Variants in HIVEP3 observed in about 807,000 individuals in gnomAD.
The protein encoded by HIVEP3 is transcription factor HIVEP3.
In HIVEP3, 49 loss-of-function variants were observed where a neutral mutation model predicts 152.8. The ratio of observed to expected loss-of-function variants is 0.32; its 90% confidence interval spans 0.26 to 0.41. The LOEUF (loss-of-function observed/expected upper bound fraction) is 0.41, where lower values mean the gene tolerates loss of function less well. Ranked by LOEUF, HIVEP3 falls within the 10% of genes least tolerant of loss-of-function variation. The pLI, the probability that HIVEP3 is intolerant of heterozygous loss-of-function variation, is 1.00. For synonymous variants in HIVEP3, 1,269 were observed against 1,289.0 expected (o/e 0.98, Z 0.33); for missense variants, 2,790 against 3,103.3 (o/e 0.90, Z 2.40).
intron 2 of HIVEP3, among the ~76,000 whole-genome samples, chr1:41,681,070 T>C (rs1646030889): frequency 6.6e-6 from 1 of 151,162 alleles, no homozygotes; most frequent in South Asian, 2.1e-4. Context: ...CTCTTATCAT[T>C]CCCCAGAAGC....
rs1643670870 is a variant in HIVEP3 at position 41,544,877 on chromosome 1, TACCACCTCTACCACCACCATCACC to T, written c.5208-19991_5208-19968del. ...CCACCACCACCACCACCACCACCAC[TACCACCTCTACCACCACCATCACC>T]ACCACCACTACCACCTCTACCACCA... On this transcript the variant is annotated intron_variant, in intron 5 of 8. Coordinates refer to ENST00000372583, the MANE Select transcript of HIVEP3 (RefSeq NM_024503.5). 9.0e-3 allele frequency among the ~76,000 whole-genome samples: 36 copies of T among 4,016 alleles called. 5 individuals carry two copies. The highest frequency in any genetic ancestry group is 0.011 in the Non-Finnish European group (26 of 2,340). 2.6% of individuals were successfully genotyped at this position (4,016 alleles called of 152,430 possible).
chr1:41,702,842 C>A (rs1377268125), intron 1 of HIVEP3, among the ~76,000 whole-genome samples: 1 of 152,194 alleles, frequency 6.6e-6, no homozygotes, highest in Non-Finnish European at 1.5e-5. Context: ...GGTAAAGAGC[C>A]TTGTCAGGAC....
chr1:42,000,200 C>T (rs1390497909), intron 1 of HIVEP3, among the ~76,000 whole-genome samples: 3 of 152,218 alleles, frequency 2.0e-5, no homozygotes, highest in Non-Finnish European at 4.4e-5. Context: ...ACCATAGATA[C>T]TCTTTCCATA....
intron 1 of HIVEP3, among the ~76,000 whole-genome samples, chr1:41,908,384 T>A (rs190900494): frequency 2.0e-5 from 3 of 152,202 alleles, no homozygotes; most frequent in African/African-American, 7.2e-5. Flanking sequence ...AAGACTCTTA[T>A]TGGCAGGTTT....
intron 1 of HIVEP3, among the ~76,000 whole-genome samples, chr1:41,748,825 G>T (rs1250330987): frequency 6.6e-6 from 1 of 152,152 alleles, no homozygotes; most frequent in Non-Finnish European, 1.5e-5. Context: ...CTTCTTATTT[G>T]GCCTCTTTGA....
chr1:41,728,241 A>G (rs1057490582), intron 1 of HIVEP3, among the ~76,000 whole-genome samples: 1 of 152,174 alleles, frequency 6.6e-6, no homozygotes, highest in African/African-American at 2.4e-5. Flanking sequence ...TTCTTCACCC[A>G]TAAAGCTAGA....
At chr1:41,818,304 C>T (rs150632198) in intron 1 of HIVEP3, among the ~76,000 whole-genome samples, 4 of 152,206 alleles carry the variant, frequency 2.6e-5, no homozygotes, top group African/African-American at 7.2e-5. Context: ...TTAATAATGC[C>T]TGTGTTGGTG....
At chr1:41,702,637 A>C (rs1187153804) in intron 1 of HIVEP3, among the ~76,000 whole-genome samples, 1 of 152,234 alleles carries the variant, frequency 6.6e-6, no homozygotes, top group Non-Finnish European at 1.5e-5. Context: ...TATTATTATT[A>C]ACATTAGTAT....
chr1:41,678,784 T>A (rs1447061441), intron 2 of HIVEP3, among the ~76,000 whole-genome samples: 1 of 152,182 alleles, frequency 6.6e-6, no homozygotes, highest in East Asian at 1.9e-4. Flanking sequence ...CCTGCTCAGA[T>A]GATGACAGCT....
At chr1:41,590,829 C>T (rs1570035747) in intron 3 of HIVEP3, among the ~76,000 whole-genome samples, 1 of 152,140 alleles carries the variant, frequency 6.6e-6, no homozygotes, top group South Asian at 2.1e-4. Context: ...AGCCACTAAA[C>T]CCATGCATGC....
intron 1 of HIVEP3, among the ~76,000 whole-genome samples, chr1:41,854,476 G>A (rs1643697374): frequency 6.6e-6 from 1 of 150,944 alleles, no homozygotes; most frequent in East Asian, 1.9e-4. Context: ...CCTGTGTCTG[G>A]AGCACTGCTC....
chr1:41,898,239 A>G (rs1204543813), intron 1 of HIVEP3, among the ~76,000 whole-genome samples: 1 of 152,262 alleles, frequency 6.6e-6, no homozygotes, highest in Admixed American at 6.5e-5. Context: ...TTAATCCAAC[A>G]TAAGAAAAAC....
chr1:41,686,543 G>A (rs996498220), intron 2 of HIVEP3, among the ~76,000 whole-genome samples: 5 of 152,160 alleles, frequency 3.3e-5, no homozygotes, highest in Admixed American at 3.3e-4. Flanking sequence ...TTACATGCCT[G>A]ACCACTTCCA....
chr1:42,003,786 C>G (rs1366887475), intron 1 of HIVEP3, among the ~76,000 whole-genome samples: 1 of 104,222 alleles, frequency 9.6e-6, no homozygotes. Flanking sequence ...CTTTTTAGGG[C>G]AAAAAAAAAA....
In HIVEP3 at chr1:41,506,369, T is replaced by C. The variant is rs1237198737; in HGVS notation, c.*4082A>G. On this transcript the variant is annotated 3_prime_UTR_variant, in exon 9 of 9. Transcript: ENST00000372583. ...CATGAGCCAGGCAAGCAGGGCTATG[T>C]TGGGATTTTCAAATTTATTCCAACA... The C allele has an allele frequency of 6.6e-6, 1 of 152,178 alleles. No homozygotes were observed. Among genetic ancestry groups the C allele is most frequent in the Non-Finnish European group, 1.5e-5 (1 of 68,036 alleles). 9.4% of individuals were successfully genotyped at this position (152,178 alleles called of 1,614,324 possible). A position where few individuals can be genotyped will look rare whatever the true frequency, so the allele number is the denominator to read the frequency against.
chr1:41,623,397 C>T (rs1645072833), intron 3 of HIVEP3, among the ~76,000 whole-genome samples: 1 of 152,332 alleles, frequency 6.6e-6, no homozygotes, highest in African/African-American at 2.4e-5. Flanking sequence ...TTAGCACACA[C>T]TTGCTATTTT....
chr1:41,734,877 G>T (rs1031847396), intron 1 of HIVEP3, among the ~76,000 whole-genome samples: 3 of 152,234 alleles, frequency 2.0e-5, no homozygotes, highest in African/African-American at 7.2e-5. Context: ...GTCTGCAGCA[G>T]TGAAAATGAT....
At chr1:41,872,330 G>A (rs1644096288) in intron 1 of HIVEP3, among the ~76,000 whole-genome samples, 1 of 151,952 alleles carries the variant, frequency 6.6e-6, no homozygotes, top group Admixed American at 6.6e-5. Flanking sequence ...TGCCTTATTT[G>A]AACACAGTTT....
chr1:41,588,872 C>A (rs1027283225), intron 3 of HIVEP3, among the ~76,000 whole-genome samples: 1 of 151,870 alleles, frequency 6.6e-6, no homozygotes, highest in African/African-American at 2.4e-5. Flanking sequence ...CTCTACCACA[C>A]CATGACAGGT....
Sources: gnomAD v4.1 joint callset for allele counts (sites outside exome capture counted in the v4.1 genomes callset) on GRCh38, gnomAD v4.1.1 for gene constraint, MANE v1.5 for transcripts, NCBI Gene and HGNC (gene_info 2026-07-23, HGNC 2026-07-21) for gene names.